ITGB7: variants seen among roughly 807,000 people sequenced by gnomAD.
ITGB7 encodes integrin beta-7.
A neutral mutation model predicts 83.4 loss-of-function variants in ITGB7; 55 were observed. That is an observed-to-expected ratio of 0.66 (90% CI 0.53 to 0.83). The LOEUF is 0.83. Among genes scored for constraint, ITGB7 ranks in the 40% least tolerant of loss-of-function variants. The probability of loss-of-function intolerance (pLI) is 0.00; values close to 1 mark genes in which losing one functional copy is unlikely to be tolerated. For missense variants in ITGB7, 921 were observed against 1,046.7 expected, an observed-to-expected ratio of 0.88 and a Z score of 1.66; for synonymous variants, 454 against 423.6, an observed-to-expected ratio of 1.07 and a Z score of -0.88.
rs140683557 is a variant in ITGB7, at chr12:53,196,166, G to C, written c.850C>G (p.Leu284Val). The C allele has an allele frequency of 1.3e-4, 202 of 1,614,186 alleles. No individual in the cohort carries two copies. Among genetic ancestry groups the C allele is most frequent in the Middle Eastern group, 4.9e-4 (3 of 6,062 alleles). The change falls in exon 7 of 16, where the codon CTG (leucine) becomes GTG (valine). Residue 284 changes from leucine to valine, a missense_variant. Leu to Val is a conservative substitution (Grantham distance 32). Transcript: ENST00000267082. The part of the protein sequence containing the change: ...QIGWRNVSRL[L>V]VFTSDDTFHT... Reference sequence around the variant, plus strand: ...AATGTGTCGTCTGAAGTGAACACCAGCAGCCGGGACACATTTCTCCAGCCA... The same window carrying C: ...AATGTGTCGTCTGAAGTGAACACCACCAGCCGGGACACATTTCTCCAGCCA...
chr12:53,202,817 C>T (rs1592412904), intron 1 of ITGB7, among the ~76,000 whole-genome samples: 1 of 151,968 alleles, frequency 6.6e-6, no homozygotes, highest in South Asian at 2.1e-4. Flanking sequence ...AAAAATTAGC[C>T]GGGTGTAGTG....
At position 53,191,947 on chromosome 12, in the gene ITGB7, A is replaced by ACCAGCC. The variant is rs1941967836; in HGVS notation, c.2222_2227dup (p.Gly741_Leu742dup). ...TTCCACCGAGAGCCGGTAAGCCAGGACCAGCCCCAGCCCCACTGCCACGAT... is the reference window on the plus strand; with the variant it reads ...TTCCACCGAGAGCCGGTAAGCCAGGACCAGCCCCAGCCCCAGCCCCACTGCCACGAT... On this transcript the variant is annotated inframe_insertion, in exon 15 of 16. Transcript: ENST00000267082. 2 of 1,611,298 alleles carry ACCAGCC rather than the reference A, an allele frequency of 1.2e-6. No individual in the cohort carries two copies. The highest frequency in any genetic ancestry group is 8.5e-7 in the Non-Finnish European group (1 of 1,179,970).
chr12:53,196,295 CTG>C (rs1592403309), intron 6 of ITGB7, 96 bp from the exon 7 acceptor site: 1 of 1,428,976 alleles, frequency 7.0e-7, no homozygotes. Context: ...CAGCCTCACT[CTG>C]AGTCAGCTTG....
At chr12:53,203,709 A>G (rs1942373065) in intron 1 of ITGB7, among the ~76,000 whole-genome samples, 1 of 151,786 alleles carries the variant, frequency 6.6e-6, no homozygotes, top group Non-Finnish European at 1.5e-5. Context: ...AAAAACCACA[A>G]TGAGATACCA....
intron 5 of ITGB7, chr12:53,197,217 A>AG: frequency 1.7e-6 from 1 of 572,796 alleles, no homozygotes; most frequent in Admixed American, 3.0e-5. Flanking sequence ...TGGTAGGCCC[A>AG]GGGCAGCTGT....
chr12:53,204,250 G>C (rs1226012958), intron 1 of ITGB7, among the ~76,000 whole-genome samples: 1 of 151,948 alleles, frequency 6.6e-6, no homozygotes, highest in Non-Finnish European at 1.5e-5. Context: ...CATGGTGGTG[G>C]TCTCCTGTAA....
rs1942221408 is a variant in ITGB7, at chr12:53,197,917, C to A, written c.236G>T (p.Arg79Leu). ...FTASGEAEAR[R>L]CARREELLAR... ...CAGCAGCTCCTCTCGTCGGGCGCAG[C>A]GCCGCGCCTCCGCCTCTCCCGACGC... The change falls in exon 4 of 16, where the codon CGC (arginine) becomes CTC (leucine). Residue 79 changes from arginine (R) to leucine (L), a missense_variant. Transcript: ENST00000267082. 6.5e-7 allele frequency: 1 copy of A among 1,544,402 alleles called. No homozygotes were observed. The highest frequency in any genetic ancestry group is 8.7e-7 in the Non-Finnish European group (1 of 1,153,030).
chr12:53,192,866 G>A lies in ITGB7; in HGVS notation c.1771C>T (p.Arg591Cys), dbSNP rs753494622. 15 of 1,614,080 alleles carry A rather than the reference G, an allele frequency of 9.3e-6. No homozygotes were observed. The highest frequency in any genetic ancestry group is 5.3e-5 in the African/African-American group (4 of 74,932). Residue 591 changes from arginine (R) to cysteine (C), a missense_variant, in exon 13 of 16, where the codon CGC (arginine) becomes TGC (cysteine). Arg to Cys is a radical substitution (Grantham distance 180, BLOSUM62 -3). Transcript: ENST00000267082. Reference sequence around the variant, plus strand: ...CTGCATTCGCATGCTCTGCCCGTGCGGTTGGCATGACAGTGACATACTCCA... The same window carrying A: ...CTGCATTCGCATGCTCTGCCCGTGCAGTTGGCATGACAGTGACATACTCCA... ...QCGVCHCHAN[R>C]TGRACECSGD...
At chr12:53,203,647 C>CAAAAAAAAAAAAAAAAAA (rs1158624130) in intron 1 of ITGB7, among the ~76,000 whole-genome samples, 23 of 50,970 alleles carry the variant, frequency 4.5e-4, no homozygotes, top group East Asian at 1.5e-3. Flanking sequence ...GACCCTGTCT[C>CAAAAAAAAAAAAAAAAAA]AAAAAAAAAA....
At position 53,193,143 on chromosome 12, in the gene ITGB7, C is replaced by T. The variant is rs377397272; in HGVS notation, c.1723G>A (p.Gly575Arg). 6.2e-6 allele frequency: 10 copies of T among 1,607,250 alleles called. No individual in the cohort carries two copies. Among genetic ancestry groups the T allele is most frequent in the African/African-American group, 4.0e-5 (3 of 74,810 alleles). The change falls in exon 12 of 16, where the codon GGA becomes AGA. Residue 575 changes from glycine to arginine, a missense_variant. Coordinates refer to ENST00000267082, the MANE Select transcript of ITGB7 (RefSeq NM_000889.3). ...SCERHEGILC[G>R]GFGRCQCGVC... ...TTCTCCCCAAGGCTCCAGGTACCTC[C>T]GCAGAGGATGCCCTCATGTCGCTCA...
chr12:53,202,455 A>G (rs533463969), intron 1 of ITGB7, among the ~76,000 whole-genome samples: 5 of 152,126 alleles, frequency 3.3e-5, no homozygotes, highest in Admixed American at 3.3e-4. Flanking sequence ...CCCAGATTCA[A>G]GCAATTCTCT....
Position 53,201,788 on chromosome 12 carries a change from G to A in ITGB7, c.-126-594C>T, listed in dbSNP as rs368107262. ...ATTGGCTGGTCGCAGTGGCTCATGC[G>A]TGTAATCCCAGTGCTGGTGAGAAGA... On this transcript the variant is annotated intron_variant, in intron 1 of 15. Coordinates refer to ENST00000267082, the MANE Select transcript of ITGB7 (RefSeq NM_000889.3). 1.8e-3 allele frequency among the ~76,000 whole-genome samples: 275 copies of A among 152,026 alleles called. 2 individuals carry two copies. Among genetic ancestry groups the A allele is most frequent in the Middle Eastern group, 6.8e-3 (2 of 292 alleles).
chr12:53,199,272 TAAAC>T (rs1030185361), intron 3 of ITGB7, among the ~76,000 whole-genome samples: 7 of 152,150 alleles, frequency 4.6e-5, no homozygotes, highest in African/African-American at 1.4e-4. Context: ...CTTTAAAGCA[TAAAC>T]AAACAACAGC....
chr12:53,193,684 T>G (rs2272300), intron 11 of ITGB7, 24 bp downstream of exon 11: 179,328 of 1,580,096 alleles, frequency 0.11, 17,072 homozygotes, highest in African/African-American at 0.48. Flanking sequence ...AGCCAGGTGG[T>G]TGAAGGGAAG....
Position 53,200,351 on chromosome 12 carries a change from G to A in ITGB7, c.93C>T (p.Ala31=), listed in dbSNP as rs113838010. 5.1e-5 allele frequency: 82 copies of A among 1,614,024 alleles called. No homozygotes were observed. Among genetic ancestry groups the A allele is most frequent in the Non-Finnish European group, 6.5e-5 (77 of 1,180,030 alleles). The change falls in exon 3 of 16, where the codon GCC becomes GCT. Residue 31 remains alanine (A), a synonymous_variant. Coordinates refer to ENST00000267082, the MANE Select transcript of ITGB7 (RefSeq NM_000889.3). ...ACAGGTGAGGATTCCGCCATTCTGT[G>A]GCATCCCCTGTGGATGGGATCTTGG... is the stretch of plus-strand genomic sequence containing the variant. ...LDAKIPSTGD[A]TEWRNPHLSM... is the part of the protein sequence containing the mutation.
At position 53,193,863 on chromosome 12, in the gene ITGB7, G is replaced by A; in HGVS notation, c.1347C>T (p.Leu449=). 1 of 1,613,902 alleles carries A rather than the reference G, an allele frequency of 6.2e-7. No homozygotes were observed. Among genetic ancestry groups the A allele is most frequent in the Non-Finnish European group, 8.5e-7 (1 of 1,179,924 alleles). The change falls in exon 11 of 16, where the codon CTC becomes CTT. Residue 449 remains leucine (L), a synonymous_variant. Coordinates refer to ENST00000267082, the MANE Select transcript of ITGB7 (RefSeq NM_000889.3). ...GGAGCCTCAGGAGATGGGGCTCTGG[G>A]AGGCAGTGGGTGGCTTGGAGAGAAA... is the stretch of plus-strand genomic sequence containing the variant. ...FWVSLQATHC[L]PEPHLLRLRA...
rs371662481 is a variant in ITGB7, at chr12:53,193,226, C to T, written c.1640G>A (p.Arg547His). 3.5e-5 allele frequency: 56 copies of T among 1,614,046 alleles called. No homozygotes were observed. The highest frequency in any genetic ancestry group is 4.4e-5 in the Non-Finnish European group (52 of 1,180,026). Residue 547 changes from arginine to histidine, a missense_variant, in exon 12 of 16, where the codon CGC (arginine) becomes CAC (histidine). By Grantham distance (29) the Arg-to-His change is conservative. Transcript: ENST00000267082. Reference sequence around the variant, plus strand: ...AGAGCTCTGTCCACTGCAGCTGCAGCGTCCACATTGACAGTGACCCTTTCC... The same window carrying T: ...AGAGCTCTGTCCACTGCAGCTGCAGTGTCCACATTGACAGTGACCCTTTCC... ...CSGKGHCQCG[R>H]CSCSGQSSGH...
chr12:53,201,085 C>A lies in ITGB7; in HGVS notation c.-17G>T, dbSNP rs888006249. The A allele has an allele frequency of 6.6e-6, 1 of 152,164 alleles. No homozygotes were observed. The highest frequency in any genetic ancestry group is 1.5e-5 in the Non-Finnish European group (1 of 68,096). 9.4% of individuals were successfully genotyped at this position (152,164 alleles called of 1,614,324 possible). The stretch of plus-strand genomic sequence containing the variant: ...AGTTCTATTTACCGAGATCCCAAGC[C>A]GTAGTGGTAGAAGAGCCAAACAGGA... On this transcript the variant is annotated 5_prime_UTR_variant, in exon 2 of 16. Transcript: ENST00000267082.
At chr12:53,204,772 G>A (rs1199678925) in intron 1 of ITGB7, among the ~76,000 whole-genome samples, 1 of 150,546 alleles carries the variant, frequency 6.6e-6, no homozygotes, top group Non-Finnish European at 1.5e-5. Flanking sequence ...GCCATACCCA[G>A]TTCCCACACC....
Sources: allele counts gnomAD v4.1 joint callset (sites outside exome capture counted in the v4.1 genomes callset), GRCh38; gene constraint gnomAD v4.1.1; transcripts MANE v1.5; gene names NCBI Gene and HGNC (gene_info 2026-07-23, HGNC 2026-07-21).